PKNOX2: variants seen among roughly 807,000 people sequenced by gnomAD.
PKNOX2 encodes PBX/knotted 1 homeobox 2.
Under a neutral mutation model 53.1 loss-of-function variants are expected in PKNOX2, and 14 were observed. That is an observed-to-expected ratio of 0.26 (90% CI 0.17 to 0.41). The LOEUF (loss-of-function observed/expected upper bound fraction) is 0.41, where lower values mean the gene tolerates loss of function less well. Among genes scored for constraint, PKNOX2 ranks in the 10% least tolerant of loss-of-function variants. The pLI is 1.00. For missense variants in PKNOX2, 496 were observed against 602.8 expected (o/e 0.82, Z 1.85); for synonymous variants, 257 against 242.8 (o/e 1.06, Z -0.54).
Position 125,429,982 on chromosome 11 carries a change from C to T in PKNOX2, c.1033C>T (p.Arg345Cys), listed in dbSNP as rs1956618355. ...GGGCAGGTTCATCAATGCCCGGAGG[C>T]GCATCCTGCAGCCCATGCTTGATGC... is the stretch of plus-strand genomic sequence containing the variant. ...VNNWFINARR[R>C]ILQPMLDASN... Residue 345 changes from arginine (R) to cysteine (C), a missense_variant, in exon 12 of 13, where the codon CGC becomes TGC. Coordinates refer to ENST00000298282, the MANE Select transcript of PKNOX2 (RefSeq NM_001382323.2). 3.7e-6 allele frequency: 6 copies of T among 1,614,044 alleles called. No homozygotes were observed. The highest frequency in any genetic ancestry group is 5.1e-6 in the Non-Finnish European group (6 of 1,179,958).
chr11:125,411,470 C>G, intron 9 of PKNOX2: 2 of 302,816 alleles, frequency 6.6e-6, no homozygotes, highest in Non-Finnish European at 6.3e-6. Context: ...CTTTCTCTCT[C>G]TCTCTCTCTC....
chr11:125,292,326 A>G (rs1947357384), intron 2 of PKNOX2, among the ~76,000 whole-genome samples: 1 of 152,188 alleles, frequency 6.6e-6, no homozygotes, highest in South Asian at 2.1e-4. Context: ...GATTATTTGT[A>G]CATGTAAATC....
At chr11:125,221,479 G>A (rs1156540564) in intron 1 of PKNOX2, among the ~76,000 whole-genome samples, 2 of 152,214 alleles carry the variant, frequency 1.3e-5, no homozygotes, top group Admixed American at 1.3e-4. Context: ...AGAGTTGGGG[G>A]CCAGAATGAA....
chr11:125,181,188 G>A (rs1291046431), intron 1 of PKNOX2, among the ~76,000 whole-genome samples: 1 of 152,232 alleles, frequency 6.6e-6, no homozygotes, highest in Non-Finnish European at 1.5e-5. Context: ...GCACAGAGAG[G>A]TTTAGCAACT....
In PKNOX2 at chr11:125,297,182, A is replaced by G. The variant is rs894120260; in HGVS notation, c.-129-34637A>G. Among the ~76,000 whole-genome samples the G allele has an allele frequency of 3.0e-4, 45 of 152,246 alleles. 2 individuals carry two copies. Among genetic ancestry groups the G allele is most frequent in the Non-Finnish European group, 2.9e-5 (2 of 68,044 alleles). On this transcript the variant is annotated intron_variant, in intron 2 of 12. Transcript: ENST00000298282. ...CATAGAGTATTATTCTTCCCATTAT[A>G]CAGATGAGAAAACTAATAAATAGAG...
At chr11:125,398,634 G>T (rs1447372717) in intron 7 of PKNOX2, among the ~76,000 whole-genome samples, 2 of 152,192 alleles carry the variant, frequency 1.3e-5, no homozygotes, top group African/African-American at 4.8e-5. Context: ...CTGTTCCCAG[G>T]TTCCCCTGCC....
chr11:125,268,681 G>C (rs761500360), intron 2 of PKNOX2, among the ~76,000 whole-genome samples: 18 of 152,324 alleles, frequency 1.2e-4, no homozygotes, highest in African/African-American at 3.8e-4. Flanking sequence ...TGAAGGGCAG[G>C]GGGGCCTGGG....
intron 2 of PKNOX2, among the ~76,000 whole-genome samples, chr11:125,283,937 G>A (rs1413738938): frequency 1.3e-5 from 2 of 152,130 alleles, no homozygotes; most frequent in East Asian, 1.9e-4. Flanking sequence ...GGCCTACTTC[G>A]CTTGGGAAAG....
chr11:125,310,831 T>C (rs558259358), intron 2 of PKNOX2, among the ~76,000 whole-genome samples: 3 of 152,254 alleles, frequency 2.0e-5, no homozygotes, highest in Admixed American at 1.3e-4. Context: ...AAAATCATCT[T>C]TCTGGTTTGA....
rs1361368672 is a variant in PKNOX2, at chr11:125,165,196, C to A, written c.-201+420C>A. Among the ~76,000 whole-genome samples the A allele has an allele frequency of 6.6e-6, 1 of 150,966 alleles. No homozygotes were observed. The highest frequency in any genetic ancestry group is 1.9e-4 in the East Asian group (1 of 5,144). ...CGCCGCGCTTGGGCCCGTGGCCGGC[C>A]GCGCATTGTCCTCGGGTGCAAGGAG... On this transcript the variant is annotated intron_variant, in intron 1 of 12. Coordinates refer to ENST00000298282, the MANE Select transcript of PKNOX2 (RefSeq NM_001382323.2). The surrounding 1 kb of genome is among the most constrained non-coding windows in gnomAD (Gnocchi z 4.5).
chr11:125,315,303 GAAA>G (rs534448203), intron 2 of PKNOX2, among the ~76,000 whole-genome samples: 1,436 of 79,390 alleles, frequency 0.018, 29 homozygotes, highest in African/African-American at 0.037. Flanking sequence ...TGTGAAGCAG[GAAA>G]AAAAAAAAAA....
At chr11:125,248,911 T>C (rs970845112) in intron 2 of PKNOX2, among the ~76,000 whole-genome samples, 1 of 146,186 alleles carries the variant, frequency 6.8e-6, no homozygotes, top group Non-Finnish European at 1.5e-5. Context: ...ATAACGTATA[T>C]ATATAACATA....
rs1214898454 is a variant in PKNOX2 at position 125,410,790 on chromosome 11, T to C, written c.730T>C (p.Tyr244His). The C allele has an allele frequency of 6.2e-7, 1 of 1,613,956 alleles. No individual in the cohort carries two copies. Among genetic ancestry groups the C allele is most frequent in the Admixed American group, 1.7e-5 (1 of 60,016 alleles). ...NSQVVSGGAL[Y>H]QPVTMVTSQG... is the part of the protein sequence containing the mutation. ...GGTTGTCTCCTCAGGTGGAGCCTTA[T>C]ACCAACCGGTTACCATGGTAACCTC... The change falls in exon 9 of 13, where the codon TAC becomes CAC. Residue 244 changes from tyrosine (Y) to histidine (H), a missense_variant. Physicochemically the swap from Tyr to His is moderately conservative, Grantham distance 83. Around this residue, in one of 5 missense-constraint regions of PKNOX2, gnomAD observed 141 missense variants for 143.9 expected, o/e 0.98. Coordinates refer to ENST00000298282, the MANE Select transcript of PKNOX2 (RefSeq NM_001382323.2).
intron 1 of PKNOX2, among the ~76,000 whole-genome samples, chr11:125,212,397 A>C (rs1445358309): frequency 6.7e-6 from 1 of 149,552 alleles, no homozygotes; most frequent in Non-Finnish European, 1.5e-5. Flanking sequence ...CTGACATTGT[A>C]TCTGATGTGG....
At chr11:125,414,549 G>A (rs2135572715) in intron 10 of PKNOX2, among the ~76,000 whole-genome samples, 1 of 152,216 alleles carries the variant, frequency 6.6e-6, no homozygotes, top group Middle Eastern at 3.4e-3. Flanking sequence ...GCTGTCCTTG[G>A]CAGGCCACAC....
chr11:125,214,591 G>A (rs1261545881), intron 1 of PKNOX2, among the ~76,000 whole-genome samples: 1 of 152,092 alleles, frequency 6.6e-6, no homozygotes, highest in Non-Finnish European at 1.5e-5. Context: ...CTGGGTGCAA[G>A]TTGAGCCATA....
intron 2 of PKNOX2, among the ~76,000 whole-genome samples, chr11:125,317,053 G>A (rs1949240855): frequency 6.6e-6 from 1 of 152,204 alleles, no homozygotes; most frequent in Non-Finnish European, 1.5e-5. Context: ...ATCTTCACCA[G>A]GAGGAGATTC....
intron 1 of PKNOX2, among the ~76,000 whole-genome samples, chr11:125,224,229 C>A (rs182836951): frequency 6.6e-6 from 1 of 152,244 alleles, no homozygotes. Flanking sequence ...GGGAGTCGCC[C>A]GGGCCAGCCC....
At chr11:125,389,694 C>G (rs1350486932) in intron 6 of PKNOX2, among the ~76,000 whole-genome samples, 4 of 152,184 alleles carry the variant, frequency 2.6e-5, no homozygotes, top group Admixed American at 6.5e-5. Context: ...TTTATAAAAT[C>G]TGATTTACGG....
Sources: allele counts gnomAD v4.1 joint callset (sites outside exome capture counted in the v4.1 genomes callset), GRCh38; gene constraint gnomAD v4.1.1; regional missense constraint gnomAD v4.1.1; non-coding constraint Gnocchi (gnomAD v3.1); transcripts MANE v1.5; gene names NCBI Gene and HGNC (gene_info 2026-07-23, HGNC 2026-07-21).